PLSCR4: variants seen among roughly 807,000 people sequenced by gnomAD.
The protein encoded by PLSCR4 is Ca(2+)-dependent phospholipid scramblase 4.
A neutral mutation model predicts 36.3 loss-of-function variants in PLSCR4; 25 were observed. The ratio of observed to expected loss-of-function variants is 0.69; its 90% CI spans 0.50 to 0.96. The LOEUF is 0.96. Among genes scored for constraint, PLSCR4 ranks in the 40% least tolerant of loss-of-function variants. The pLI is 0.00. For missense variants in PLSCR4, 408 were observed against 414.7 expected (o/e 0.98, Z 0.14); for synonymous variants, 122 against 132.9 (o/e 0.92, Z 0.56).
At chr3:146,221,877 G>A (rs1246485771) in intron 2 of PLSCR4, among the ~76,000 whole-genome samples, 188 bp downstream of exon 2, 1 of 151,706 alleles carries the variant, frequency 6.6e-6, no homozygotes, top group Admixed American at 6.6e-5. Flanking sequence ...TTCTGACAAT[G>A]ATAGGAATGT....
chr3:146,220,584 A>G (rs778940057), intron 3 of PLSCR4, among the ~76,000 whole-genome samples: 2 of 152,210 alleles, frequency 1.3e-5, no homozygotes, highest in Non-Finnish European at 2.9e-5. Flanking sequence ...TCCATATAGA[A>G]TGGAGAGAAT....
chr3:146,196,789 TCCAGCTGC>T lies in PLSCR4; in HGVS notation c.625-4_628del. On this transcript the variant is annotated splice_acceptor_variant and splice_polypyrimidine_tract_variant and coding_sequence_variant and intron_variant, in exon 7 of 9. Coordinates refer to ENST00000354952, the MANE Select transcript of PLSCR4 (RefSeq NM_020353.3). LOFTEE classifies it high-confidence loss of function. ...GGTGACACCAGGAGGACACTGCACCTCCAGCTGCAAACAAAACAGTGACAGAAGTTAGG... is the reference window on the plus strand; with the variant it reads ...GGTGACACCAGGAGGACACTGCACCTAAACAAAACAGTGACAGAAGTTAGG... 6.2e-7 allele frequency: 1 copy of T among 1,613,614 alleles called. No homozygotes were observed. Among genetic ancestry groups the T allele is most frequent in the Admixed American group, 1.7e-5 (1 of 59,884 alleles).
chr3:146,237,376 A>G (rs1319760627), intron 1 of PLSCR4, among the ~76,000 whole-genome samples: 1 of 152,142 alleles, frequency 6.6e-6, no homozygotes, highest in Admixed American at 6.6e-5. Flanking sequence ...TTATGAACCA[A>G]TTAGATCTAT....
At chr3:146,233,503 T>A (rs1360184055) in intron 1 of PLSCR4, among the ~76,000 whole-genome samples, 1 of 152,142 alleles carries the variant, frequency 6.6e-6, no homozygotes, top group Admixed American at 6.5e-5. Flanking sequence ...AGGCATTTTT[T>A]AAAGGAGCAG....
chr3:146,215,844 A>T (rs2034869427), intron 3 of PLSCR4, among the ~76,000 whole-genome samples: 1 of 152,232 alleles, frequency 6.6e-6, no homozygotes, highest in South Asian at 2.1e-4. Context: ...TGGGAACTGT[A>T]GGTCTACAGG....
At chr3:146,216,594 G>A (rs1190281454) in intron 3 of PLSCR4, among the ~76,000 whole-genome samples, 1 of 152,152 alleles carries the variant, frequency 6.6e-6, no homozygotes, top group East Asian at 1.9e-4. Context: ...ATAAAACTGA[G>A]GCATAAGGAG....
rs1341841057 is a variant in PLSCR4, at chr3:146,196,772, C to G, written c.646G>C (p.Gly216Arg). 3 of 1,613,738 alleles carry G rather than the reference C, an allele frequency of 1.9e-6. No individual in the cohort carries two copies. In the African/African-American group the frequency reaches 4.0e-5, roughly 22 times the overall value. Residue 216 changes from glycine (G) to arginine (R), a missense_variant, in exon 7 of 9, where the codon GGT becomes CGT. By Grantham distance (125) the Gly-to-Arg change is moderately radical. Transcript: ENST00000354952. ...TCCGCAACAAAGCCAATGGTGACAC[C>G]AGGAGGACACTGCACCTCCAGCTGC... ...RQELEVQCPP[G>R]VTIGFVAEHW...
rs1456191091 is a variant in PLSCR4 at position 146,222,863 on chromosome 3, C to G, written c.-21-771G>C. On this transcript the variant is annotated intron_variant, in intron 1 of 8. Transcript: ENST00000354952. ...CAATCCAGGTGAGAGCTGACACCAGCTTAGATGGGGGAGGTGACACTGCAG... is the reference window on the plus strand; with the variant it reads ...CAATCCAGGTGAGAGCTGACACCAGGTTAGATGGGGGAGGTGACACTGCAG... Among the ~76,000 whole-genome samples the G allele has an allele frequency of 4.6e-5, 7 of 152,178 alleles. No homozygotes were observed. The South Asian group carries it at 1.5e-3, about 32-fold the overall frequency.
intron 1 of PLSCR4, 167 bp downstream of exon 1, chr3:146,250,793 C>G (rs1268412827): frequency 1.3e-5 from 2 of 152,228 alleles, no homozygotes; most frequent in Non-Finnish European, 2.9e-5. Flanking sequence ...GAGGATGCGA[C>G]GCGAGCGCAG....
chr3:146,233,526 A>T (rs2035801595), intron 1 of PLSCR4, among the ~76,000 whole-genome samples: 1 of 152,152 alleles, frequency 6.6e-6, no homozygotes, highest in South Asian at 2.1e-4. Flanking sequence ...GGCTATAAAG[A>T]TGTTAAGGAT....
rs1469163117 is a variant in PLSCR4 at position 146,193,472 on chromosome 3, A to G, written c.*939T>C. On this transcript the variant is annotated 3_prime_UTR_variant, in exon 9 of 9. Coordinates refer to ENST00000354952, the MANE Select transcript of PLSCR4 (RefSeq NM_020353.3). ...AAAAACAAAAACAAAAACAAAAAAC[A>G]ATGATCTCTTCTGGGTATCACATCA... The G allele has an allele frequency of 6.6e-6, 1 of 152,220 alleles. No individual in the cohort carries two copies. Among genetic ancestry groups the G allele is most frequent in the Non-Finnish European group, 1.5e-5 (1 of 68,036 alleles). 9.4% of individuals were successfully genotyped at this position (152,220 alleles called of 1,614,324 possible).
rs1255362357 is a variant in PLSCR4 at position 146,200,937 on chromosome 3, A to G, written c.397+98T>C. The G allele has an allele frequency of 4.0e-6, 3 of 747,694 alleles. No homozygotes were observed. In the African/African-American group the frequency reaches 5.6e-5, roughly 14 times the overall value. The allele number at this position is 747,694 out of a possible 1,614,324, so 46.3% of individuals were successfully genotyped here. Reference sequence around the variant, plus strand: ...AGAGCAGTTTTTTTTTCTTTGAGCCACTAAAACATGATCAATATAAAGAAG... The same window carrying G: ...AGAGCAGTTTTTTTTTCTTTGAGCCGCTAAAACATGATCAATATAAAGAAG... On this transcript the variant is annotated intron_variant, in intron 5 of 8. Coordinates refer to ENST00000354952, the MANE Select transcript of PLSCR4 (RefSeq NM_020353.3).
intron 3 of PLSCR4, among the ~76,000 whole-genome samples, chr3:146,207,393 C>T (rs1020394551): frequency 2.6e-5 from 4 of 152,060 alleles, no homozygotes; most frequent in African/African-American, 9.7e-5. Flanking sequence ...TAAGCACAAA[C>T]TGAGTGGCTT....
chr3:146,224,089 T>C (rs1320886283), intron 1 of PLSCR4, among the ~76,000 whole-genome samples: 2 of 151,900 alleles, frequency 1.3e-5, no homozygotes, highest in African/African-American at 4.8e-5. Flanking sequence ...GGAAAATGAC[T>C]ACAGCTTTCT....
chr3:146,199,857 T>G lies in PLSCR4; in HGVS notation c.580A>C (p.Arg194=). 1 of 1,613,532 alleles carries G rather than the reference T, an allele frequency of 6.2e-7. No homozygotes were observed. The highest frequency in any genetic ancestry group is 2.2e-5 in the East Asian group (1 of 44,854). ...REIMTMQRPF[R]CTCCCFCCPS... ...CAACAGAAGCAACAGCAGGTGCATC[T>G]GAAGGGTCTCTGCATTGTCATGATT... Residue 194 remains arginine (R), a synonymous_variant, in exon 6 of 9, where the codon AGA becomes CGA. Transcript: ENST00000354952.
intron 7 of PLSCR4, among the ~76,000 whole-genome samples, chr3:146,195,920 G>A (rs2033712273): frequency 6.6e-6 from 1 of 152,120 alleles, no homozygotes; most frequent in African/African-American, 2.4e-5. Flanking sequence ...ACTAAGGAAA[G>A]TTTCTTGAGT....
intron 1 of PLSCR4, among the ~76,000 whole-genome samples, chr3:146,231,841 TA>T (rs780543022): frequency 1.3e-5 from 2 of 152,172 alleles, no homozygotes; most frequent in African/African-American, 2.4e-5. Context: ...TTTTACTCTG[TA>T]AAAGCTCTTT....
chr3:146,225,911 G>A (rs538665989), intron 1 of PLSCR4, among the ~76,000 whole-genome samples: 13 of 152,300 alleles, frequency 8.5e-5, no homozygotes, highest in African/African-American at 1.4e-4. Flanking sequence ...CTCAAATGCC[G>A]CCGAAGTGGG....
intron 1 of PLSCR4, among the ~76,000 whole-genome samples, chr3:146,236,491 G>A (rs981128056): frequency 6.6e-6 from 1 of 152,082 alleles, no homozygotes; most frequent in African/African-American, 2.4e-5. Flanking sequence ...TTGTGGGAGG[G>A]ACCCAGTGGG....
Sources: allele counts gnomAD v4.1 joint callset (sites outside exome capture counted in the v4.1 genomes callset), GRCh38; gene constraint gnomAD v4.1.1; transcripts MANE v1.5; gene names NCBI Gene and HGNC (gene_info 2026-07-23, HGNC 2026-07-21).